The following MSRA variants were observed in gnomAD, a reference collection of about 807,000 sequenced individuals.
MSRA encodes the protein mitochondrial peptide methionine sulfoxide reductase.
Under a neutral mutation model 31.3 loss-of-function variants are expected in MSRA, and 54 were observed. The observed-to-expected ratio is 1.73, with a 90% CI of 1.39 to 2.17. The LOEUF (loss-of-function observed/expected upper bound fraction) is 2.17, where lower values mean the gene tolerates loss of function less well. Ranked by LOEUF, MSRA falls within the 30% of genes most tolerant of loss-of-function variation. The probability of loss-of-function intolerance (pLI) is 0.00; values close to 1 mark genes in which losing one functional copy is unlikely to be tolerated. For synonymous variants in MSRA, 169 were observed against 116.5 expected (o/e 1.45, Z -2.90); for missense variants, 507 against 300.9 (o/e 1.69, Z -5.07).
At chr8:10,101,996 C>T (rs541691998) in intron 1 of MSRA, among the ~76,000 whole-genome samples, 1 of 152,238 alleles carries the variant, frequency 6.6e-6, no homozygotes, top group South Asian at 2.1e-4. Flanking sequence ...GATGAGAAAT[C>T]TGCTGTCATT....
At chr8:10,229,587 T>G (rs1292700271) in intron 2 of MSRA, among the ~76,000 whole-genome samples, 2 of 151,738 alleles carry the variant, frequency 1.3e-5, no homozygotes, top group African/African-American at 4.8e-5. Context: ...AGGGCAGAGG[T>G]GGTGCAGGCA....
intron 5 of MSRA, among the ~76,000 whole-genome samples, chr8:10,421,426 C>A (rs762350101): frequency 6.6e-5 from 10 of 152,154 alleles, no homozygotes; most frequent in Non-Finnish European, 1.3e-4. Context: ...GTCTCAATGC[C>A]TTTCTAACCT....
intron 1 of MSRA, among the ~76,000 whole-genome samples, chr8:10,096,832 C>T (rs549442618): frequency 6.6e-6 from 1 of 152,244 alleles, no homozygotes; most frequent in South Asian, 2.1e-4. Flanking sequence ...GTGGATCACC[C>T]TGATTGTAAG....
chr8:10,095,840 A>G (rs368948959), intron 1 of MSRA: 7 of 1,256,972 alleles, frequency 5.6e-6, no homozygotes, highest in Admixed American at 4.0e-5. Flanking sequence ...CGAAGCTTCC[A>G]TAGTGTCCAT....
intron 2 of MSRA, among the ~76,000 whole-genome samples, chr8:10,242,926 C>G (rs938269994): frequency 2.0e-5 from 3 of 152,216 alleles, no homozygotes; most frequent in Non-Finnish European, 4.4e-5. Context: ...CGTGGCACCC[C>G]AGACCCTTGC....
At chr8:10,314,550 A>G (rs1203759739) in intron 4 of MSRA, among the ~76,000 whole-genome samples, 3 of 152,246 alleles carry the variant, frequency 2.0e-5, no homozygotes, top group African/African-American at 4.8e-5. Flanking sequence ...TTGTGCAGTC[A>G]TGTGGTTTTG....
At chr8:10,417,860 TCTC>T (rs1808576618) in intron 5 of MSRA, among the ~76,000 whole-genome samples, 1 of 151,380 alleles carries the variant, frequency 6.6e-6, no homozygotes, top group South Asian at 2.1e-4. Context: ...ATTGAAGTGG[TCTC>T]CGTGCAGAAG....
chr8:10,109,976 A>G (rs911651231), intron 1 of MSRA, among the ~76,000 whole-genome samples: 22 of 152,044 alleles, frequency 1.4e-4, no homozygotes, highest in African/African-American at 5.3e-4. Context: ...CATAATTAGC[A>G]AGTTCACCCT....
intron 3 of MSRA, among the ~76,000 whole-genome samples, chr8:10,249,178 C>G (rs1372486352): frequency 1.3e-5 from 2 of 152,302 alleles, no homozygotes; most frequent in East Asian, 3.9e-4. Flanking sequence ...ACTTTCTAAT[C>G]TTTTGTCCTC....
intron 5 of MSRA, among the ~76,000 whole-genome samples, chr8:10,391,209 G>T (rs940499511): frequency 6.6e-6 from 1 of 152,122 alleles, no homozygotes; most frequent in African/African-American, 2.4e-5. Flanking sequence ...TAAGTCATTG[G>T]TCACACACCC....
In MSRA at chr8:10,355,509, G is replaced by GGTGGCATGCT. The variant is rs1804457085; in HGVS notation, c.543+35524_543+35533dup. On this transcript the variant is annotated intron_variant, in intron 5 of 5. Coordinates refer to ENST00000317173, the MANE Select transcript of MSRA (RefSeq NM_012331.5). ...TGTAAGGAACAGAAAACCTGGCTTG[G>GGTGGCATGCT]GTGGCATGCTGTGTCAAAGGAAAAG... 2.0e-5 allele frequency among the ~76,000 whole-genome samples: 3 copies of GGTGGCATGCT among 152,308 alleles called. No homozygotes were observed. The South Asian group carries it at 6.2e-4, about 32-fold the overall frequency.
chr8:10,287,404 A>C (rs768357539), intron 3 of MSRA, among the ~76,000 whole-genome samples: 1 of 152,244 alleles, frequency 6.6e-6, no homozygotes, highest in Non-Finnish European at 1.5e-5. Flanking sequence ...AATGCATATG[A>C]AAGCATTTCA....
intron 1 of MSRA, among the ~76,000 whole-genome samples, chr8:10,109,449 C>G (rs1001852496): frequency 6.6e-6 from 1 of 151,872 alleles, no homozygotes; most frequent in Non-Finnish European, 1.5e-5. Flanking sequence ...TCAAACGATC[C>G]TTCCACCTCA....
At chr8:10,349,767 G>T (rs981589265) in intron 5 of MSRA, among the ~76,000 whole-genome samples, 1 of 152,194 alleles carries the variant, frequency 6.6e-6, no homozygotes, top group Non-Finnish European at 1.5e-5. Context: ...CTAAGAAAAC[G>T]GCCATCTCCC....
At chr8:10,099,088 CGT>C (rs775546640) in intron 1 of MSRA, among the ~76,000 whole-genome samples, 6 of 151,194 alleles carry the variant, frequency 4.0e-5, no homozygotes, top group Non-Finnish European at 2.9e-5. Flanking sequence ...TCTAGTGGTT[CGT>C]GTGTGTGTAT....
chr8:10,412,083 C>A (rs1412751991), intron 5 of MSRA, among the ~76,000 whole-genome samples: 2 of 152,210 alleles, frequency 1.3e-5, no homozygotes, highest in Middle Eastern at 3.2e-3. Flanking sequence ...ATATATGATA[C>A]TTTAGGCAAG....
chr8:10,090,711 C>T (rs1386690092), intron 1 of MSRA, among the ~76,000 whole-genome samples: 1 of 152,210 alleles, frequency 6.6e-6, no homozygotes, highest in African/African-American at 2.4e-5. Flanking sequence ...GCCCAGGTCC[C>T]AGCAACCAAT....
chr8:10,131,340 T>C (rs191790754), intron 1 of MSRA, among the ~76,000 whole-genome samples: 2 of 152,328 alleles, frequency 1.3e-5, no homozygotes, highest in East Asian at 1.9e-4. Flanking sequence ...CAAAGAAAGC[T>C]ACATAGACAA....
At chr8:10,393,846 A>G (rs563167488) in intron 5 of MSRA, among the ~76,000 whole-genome samples, 1 of 152,320 alleles carries the variant, frequency 6.6e-6, no homozygotes, top group South Asian at 2.1e-4. Flanking sequence ...GCACACCTAC[A>G]TGGTCACTAT....
Sources: allele counts gnomAD v4.1 joint callset (sites outside exome capture counted in the v4.1 genomes callset), GRCh38; gene constraint gnomAD v4.1.1; transcripts MANE v1.5; gene names NCBI Gene and HGNC (gene_info 2026-07-23, HGNC 2026-07-21).